The following SEC62 variants were observed in gnomAD, a reference collection of about 807,000 sequenced individuals.
SEC62 encodes SEC62 preprotein translocation factor.
A neutral mutation model predicts 47.5 loss-of-function variants in SEC62; 10 were observed. The ratio of observed to expected loss-of-function variants is 0.21; its 90% CI spans 0.13 to 0.36. SEC62 has a LOEUF of 0.36. SEC62 is among the 10% of genes least tolerant of loss of function. The pLI, the probability that SEC62 is intolerant of heterozygous loss-of-function variation, is 1.00. For missense variants in SEC62, 327 were observed against 464.1 expected, an observed-to-expected ratio of 0.70 and a Z score of 2.71; for synonymous variants, 136 against 150.5, an observed-to-expected ratio of 0.90 and a Z score of 0.71.
intron 1 of SEC62, among the ~76,000 whole-genome samples, chr3:169,974,337 A>T (rs553746541): frequency 1.3e-5 from 2 of 152,364 alleles, no homozygotes; most frequent in South Asian, 4.1e-4. Flanking sequence ...AGTACAGTGC[A>T]TTTGTTTCAA....
intron 6 of SEC62, among the ~76,000 whole-genome samples, chr3:169,987,508 C>T (rs1001868169): frequency 6.6e-6 from 1 of 152,156 alleles, no homozygotes; most frequent in Non-Finnish European, 1.5e-5. Context: ...TTCATCCTCA[C>T]AACAACCTTT....
chr3:169,989,373 C>T (rs976295458), intron 7 of SEC62, among the ~76,000 whole-genome samples: 11 of 148,832 alleles, frequency 7.4e-5, no homozygotes, highest in Non-Finnish European at 1.5e-4. Flanking sequence ...TGAACCACCA[C>T]GCCCAGCCTC....
chr3:169,994,605 A>C lies in SEC62; in HGVS notation c.*1542A>C, dbSNP rs548148296. On this transcript the variant is annotated 3_prime_UTR_variant, in exon 8 of 8. Transcript: ENST00000337002. ...TCACTTTAATAGTTTCTTTTTAGCAAATAAATGTTCATTGATGAAGTGCCT... is the reference window on the plus strand; with the variant it reads ...TCACTTTAATAGTTTCTTTTTAGCACATAAATGTTCATTGATGAAGTGCCT... 23 of 152,300 alleles carry C rather than the reference A, an allele frequency of 1.5e-4. No individual in the cohort carries two copies. The highest frequency in any genetic ancestry group is 1.3e-3 in the Admixed American group (20 of 15,282). 9.4% of individuals were successfully genotyped at this position (152,300 alleles called of 1,614,324 possible).
Position 169,966,832 on chromosome 3 carries a change from C to T in SEC62, c.10C>T (p.Arg4Cys). 1 of 1,555,098 alleles carries T rather than the reference C, an allele frequency of 6.4e-7. No homozygotes were observed. The highest frequency in any genetic ancestry group is 8.7e-7 in the Non-Finnish European group (1 of 1,149,054). ...GGGCGGAGCGGCCAACATGGCGGAA[C>T]GCAGGAGACACAAGAAGCGGATCCA... is the stretch of plus-strand genomic sequence containing the variant. MAE[R>C]RRHKKRIQEV... The change falls in exon 1 of 8, where the codon CGC (arginine) becomes TGC (cysteine). Residue 4 changes from arginine to cysteine, a missense_variant. Coordinates refer to ENST00000337002, the MANE Select transcript of SEC62 (RefSeq NM_003262.4).
chr3:169,994,405 T>A lies in SEC62; in HGVS notation c.*1342T>A, dbSNP rs1403572377. On this transcript the variant is annotated 3_prime_UTR_variant, in exon 8 of 8. Transcript: ENST00000337002. ...GTGTATGTCAGTCTTTGCTTTAGGC[T>A]GTTTCTCATCTAAGTGTTTGAATTA... is the stretch of plus-strand genomic sequence containing the variant. 3 of 152,682 alleles carry A rather than the reference T, an allele frequency of 2.0e-5. No individual in the cohort carries two copies. Among genetic ancestry groups the A allele is most frequent in the Admixed American group, 2.0e-4 (3 of 15,284 alleles). 9.5% of individuals were successfully genotyped at this position (152,682 alleles called of 1,614,324 possible). A position where few individuals can be genotyped will look rare whatever the true frequency, so the allele number is the denominator to read the frequency against.
rs778976281 is a variant in SEC62, at chr3:169,992,965, A to G, written c.1102A>G (p.Lys368Glu). 6.2e-7 allele frequency: 1 copy of G among 1,614,044 alleles called. No individual in the cohort carries two copies. Among genetic ancestry groups the G allele is most frequent in the African/African-American group, 1.3e-5 (1 of 75,060 alleles). Residue 368 changes from lysine to glutamate, a missense_variant, in exon 8 of 8, where the codon AAA becomes GAA. Physicochemically the swap from Lys to Glu is moderately conservative, Grantham distance 56. Coordinates refer to ENST00000337002, the MANE Select transcript of SEC62 (RefSeq NM_003262.4). This position sits in a 1 kb window ranked among gnomAD's most constrained non-coding sequence, Gnocchi z 4.0. Reference sequence around the variant, plus strand: ...TGGAAATGATTTTGAAATGATAACAAAAGAGGAACTGGAACAGCAAACAGA... The same window carrying G: ...TGGAAATGATTTTGAAATGATAACAGAAGAGGAACTGGAACAGCAAACAGA... ...GNGNDFEMITKEELEQQTDGD... is the reference protein window; with the variant it reads ...GNGNDFEMITEEELEQQTDGD...
chr3:169,967,708 A>G (rs759580852), intron 1 of SEC62, among the ~76,000 whole-genome samples: 1 of 152,166 alleles, frequency 6.6e-6, no homozygotes, highest in East Asian at 1.9e-4. Flanking sequence ...GACTCAGGAT[A>G]TTTATTAGTC....
Position 169,994,820 on chromosome 3 carries a change from A to G in SEC62, c.*1757A>G, listed in dbSNP as rs1378408587. 2.0e-5 allele frequency: 3 copies of G among 152,160 alleles called. No homozygotes were observed. The highest frequency in any genetic ancestry group is 2.9e-5 in the Non-Finnish European group (2 of 67,996). The allele number at this position is 152,160 out of a possible 1,614,324, so 9.4% of individuals were successfully genotyped here. On this transcript the variant is annotated 3_prime_UTR_variant, in exon 8 of 8. Coordinates refer to ENST00000337002, the MANE Select transcript of SEC62 (RefSeq NM_003262.4). ...TACTGTGATAATACCCAGGCACTCA[A>G]TATTCATCCTGAAATTTTTTATAAT...
rs1342551539 is a variant in SEC62, at chr3:169,992,012, C to CA, written c.731-578dup. On this transcript the variant is annotated intron_variant, in intron 7 of 7. Coordinates refer to ENST00000337002, the MANE Select transcript of SEC62 (RefSeq NM_003262.4). The surrounding 1 kb of genome is among the most constrained non-coding windows in gnomAD (Gnocchi z 4.0). Reference sequence around the variant, plus strand: ...TTGTGGAGTAAGTGCCTTACAAAGGCAAAAGGGCCTAGGGCCTTGGGAAGT... The same window carrying CA: ...TTGTGGAGTAAGTGCCTTACAAAGGCAAAAAGGGCCTAGGGCCTTGGGAAGT... Among the ~76,000 whole-genome samples the CA allele has an allele frequency of 6.6e-5, 10 of 152,060 alleles. No homozygotes were observed. Among genetic ancestry groups the CA allele is most frequent in the Admixed American group, 1.3e-4 (2 of 15,272 alleles).
intron 1 of SEC62, among the ~76,000 whole-genome samples, chr3:169,967,881 C>CTT (rs11422239): frequency 1.2e-4 from 18 of 147,280 alleles, no homozygotes; most frequent in African/African-American, 3.0e-4. Flanking sequence ...TTTATCCCTT[C>CTT]TTTTTTTTTT....
rs1395986060 is a variant in SEC62 at position 169,992,216 on chromosome 3, G to A, written c.731-378G>A. On this transcript the variant is annotated intron_variant, in intron 7 of 7. Transcript: ENST00000337002. This position sits in a 1 kb window ranked among gnomAD's most constrained non-coding sequence, Gnocchi z 4.0. ...ATCAGAAGTGTATATCCATGTAAGTGTACACCCAGATGGAAAAAAGAAGTA... is the reference window on the plus strand; with the variant it reads ...ATCAGAAGTGTATATCCATGTAAGTATACACCCAGATGGAAAAAAGAAGTA... Among the ~76,000 whole-genome samples the A allele has an allele frequency of 6.6e-6, 1 of 152,150 alleles. No homozygotes were observed. Among genetic ancestry groups the A allele is most frequent in the African/African-American group, 2.4e-5 (1 of 41,424 alleles).
At chr3:169,969,494 T>C in intron 1 of SEC62, 1 of 367,286 alleles carries the variant, frequency 2.7e-6, no homozygotes, top group Non-Finnish European at 5.5e-6. Flanking sequence ...TTTAAAAGGA[T>C]CTAGTAGGGT....
At chr3:169,985,697 T>G in intron 5 of SEC62, 108 bp from the exon 6 acceptor site, 1 of 677,078 alleles carries the variant, frequency 1.5e-6, no homozygotes, top group Non-Finnish European at 2.4e-6. Context: ...ACTTCTCGTA[T>G]GTTAAGAGGT....
intron 5 of SEC62, chr3:169,983,818 A>G (rs559296962): frequency 6.6e-6 from 1 of 152,306 alleles, no homozygotes; most frequent in South Asian, 2.1e-4. Flanking sequence ...CAGGATGATT[A>G]TTTGCCCAGC....
At chr3:169,967,027 G>A (rs113242995) in intron 1 of SEC62, among the ~76,000 whole-genome samples, 169 bp downstream of exon 1, 1,684 of 152,316 alleles carry the variant, frequency 0.011, 21 homozygotes, top group South Asian at 0.022. Flanking sequence ...GGGGCCTGAG[G>A]GGGGGCGGTG....
chr3:169,967,150 T>TG (rs1714550760), intron 1 of SEC62, among the ~76,000 whole-genome samples: 1 of 152,156 alleles, frequency 6.6e-6, no homozygotes, highest in Non-Finnish European at 1.5e-5. Context: ...GGAGTTCCTG[T>TG]GGTCGCGCTG....
In SEC62 at chr3:169,983,170, C is replaced by G. The variant is rs1349632594; in HGVS notation, c.466C>G (p.Pro156Ala). ...ACTTGTGTTTTCATAGGAGGAAACTCCAGGAACTCCTAAAAAGAAGGAAAC... is the reference window on the plus strand; with the variant it reads ...ACTTGTGTTTTCATAGGAGGAAACTGCAGGAACTCCTAAAAAGAAGGAAAC... ...EKEESKKEET[P>A]GTPKKKETKK... The change falls in exon 5 of 8, where the codon CCA (proline) becomes GCA (alanine). Residue 156 changes from proline (P) to alanine (A), a missense_variant. By Grantham distance (27) the Pro-to-Ala change is conservative. This residue lies in a region of SEC62 where 99 missense variants were observed against 194.0 expected (regional missense o/e 0.51). Coordinates refer to ENST00000337002, the MANE Select transcript of SEC62 (RefSeq NM_003262.4). 6.2e-7 allele frequency: 1 copy of G among 1,609,554 alleles called. No homozygotes were observed. The highest frequency in any genetic ancestry group is 2.2e-5 in the East Asian group (1 of 44,628).
chr3:169,970,822 C>T (rs1413720609), intron 1 of SEC62, among the ~76,000 whole-genome samples: 2 of 152,104 alleles, frequency 1.3e-5, no homozygotes, highest in Non-Finnish European at 2.9e-5. Flanking sequence ...TTAGTGGGTG[C>T]TACTATTCCC....
intron 1 of SEC62, among the ~76,000 whole-genome samples, chr3:169,967,443 A>G (rs1370516459): frequency 1.3e-5 from 2 of 152,060 alleles, no homozygotes; most frequent in African/African-American, 4.8e-5. Flanking sequence ...TCCCTTCAAT[A>G]TTATTAACTT....
Sources: allele counts gnomAD v4.1 joint callset (sites outside exome capture counted in the v4.1 genomes callset), GRCh38; gene constraint gnomAD v4.1.1; regional missense constraint gnomAD v4.1.1; non-coding constraint Gnocchi (gnomAD v3.1); transcripts MANE v1.5; gene names NCBI Gene and HGNC (gene_info 2026-07-23, HGNC 2026-07-21).